Variants in ANKH observed in about 807,000 individuals in gnomAD.
ANKH encodes ANKH inorganic pyrophosphate transport regulator.
In ANKH, 15 loss-of-function variants were observed where a neutral mutation model predicts 49.0. The observed-to-expected ratio is 0.31, with a 90% CI of 0.20 to 0.47. ANKH has a LOEUF of 0.47. Ranked by LOEUF, ANKH falls within the 20% of genes least tolerant of loss-of-function variation. The probability of loss-of-function intolerance (pLI) is 1.00; values close to 1 mark genes in which losing one functional copy is unlikely to be tolerated. For synonymous variants in ANKH, 273 were observed against 260.0 expected (o/e 1.05, Z -0.48); for missense variants, 429 against 652.0 (o/e 0.66, Z 3.72).
At chr5:14,753,180 A>G (rs1738775312) in intron 4 of ANKH, among the ~76,000 whole-genome samples, 2 of 152,130 alleles carry the variant, frequency 1.3e-5, no homozygotes, top group Admixed American at 6.5e-5. Flanking sequence ...GTTGGCTGGA[A>G]GGTGACGAAT....
intron 11 of ANKH, among the ~76,000 whole-genome samples, chr5:14,712,424 C>T (rs919256336): frequency 4.6e-5 from 7 of 152,280 alleles, no homozygotes; most frequent in Non-Finnish European, 1.0e-4. Flanking sequence ...CGCAAGCTCT[C>T]GGACTGCATC....
chr5:14,809,474 C>T (rs1740814386), intron 1 of ANKH, among the ~76,000 whole-genome samples: 2 of 151,794 alleles, frequency 1.3e-5, no homozygotes, highest in Non-Finnish European at 2.9e-5. Flanking sequence ...GGGAGGATGA[C>T]TTGAGCCCAG....
intron 1 of ANKH, among the ~76,000 whole-genome samples, chr5:14,826,888 T>TTCCCCCA (rs1350117198): frequency 1.3e-5 from 2 of 152,204 alleles, no homozygotes; most frequent in African/African-American, 2.4e-5. Context: ...GTTTCCCACG[T>TTCCCCCA]CCCTCTGCAG....
At chr5:14,722,662 AT>A (rs1737705685) in intron 8 of ANKH, among the ~76,000 whole-genome samples, 1 of 152,170 alleles carries the variant, frequency 6.6e-6, no homozygotes. Context: ...GCAAATAAAT[AT>A]CCATGAGTCC....
intron 8 of ANKH, among the ~76,000 whole-genome samples, chr5:14,735,957 C>A (rs1299975976): frequency 2.0e-5 from 3 of 151,362 alleles, no homozygotes; most frequent in Non-Finnish European, 2.9e-5. Context: ...TTTAACCCCC[C>A]ACTGACTACA....
chr5:14,846,402 C>G (rs990324944), intron 1 of ANKH, among the ~76,000 whole-genome samples: 14 of 152,186 alleles, frequency 9.2e-5, no homozygotes, highest in African/African-American at 7.2e-5. Flanking sequence ...ATGACATTTA[C>G]TTGTATCCAC....
chr5:14,809,132 C>A (rs1472056201), intron 1 of ANKH, among the ~76,000 whole-genome samples: 1 of 119,798 alleles, frequency 8.3e-6, no homozygotes, highest in Admixed American at 8.8e-5. Context: ...GGGAATTGAA[C>A]AATGAGATCA....
Position 14,763,812 on chromosome 5 carries a change from G to C in ANKH, c.313+5163C>G, listed in dbSNP as rs775991682. Among the ~76,000 whole-genome samples the C allele has an allele frequency of 4.7e-4, 72 of 152,292 alleles. 1 individual carries two copies. Among genetic ancestry groups the C allele is most frequent in the Middle Eastern group, 3.4e-3 (1 of 294 alleles). On this transcript the variant is annotated intron_variant, in intron 2 of 11. Transcript: ENST00000284268. ...CCCAAAAGAAGTGACTGGGAGGCTG[G>C]GCACGGTGGCTTATGCCTGTAATCC...
At chr5:14,799,367 TG>T (rs1203974672) in intron 1 of ANKH, among the ~76,000 whole-genome samples, 4 of 152,244 alleles carry the variant, frequency 2.6e-5, no homozygotes, top group African/African-American at 9.6e-5. Flanking sequence ...AGATCACTAA[TG>T]AAGGTGGCTA....
At chr5:14,856,264 A>C (rs924218915) in intron 1 of ANKH, among the ~76,000 whole-genome samples, 2 of 152,120 alleles carry the variant, frequency 1.3e-5, no homozygotes, top group East Asian at 3.9e-4. Flanking sequence ...AAGAGAGAAA[A>C]CATAAAAATA....
At chr5:14,757,688 C>A (rs1738947054) in intron 3 of ANKH, among the ~76,000 whole-genome samples, 1 of 151,972 alleles carries the variant, frequency 6.6e-6, no homozygotes, top group Admixed American at 6.6e-5. Flanking sequence ...ATCCTTTGAT[C>A]CTGAGTATAT....
At chr5:14,842,438 T>G (rs560189980) in intron 1 of ANKH, among the ~76,000 whole-genome samples, 242 of 152,216 alleles carry the variant, frequency 1.6e-3, no homozygotes, top group African/African-American at 5.4e-3. Context: ...GGCAATGTCT[T>G]ATGGAGTCCT....
chr5:14,832,415 C>T (rs946443609), intron 1 of ANKH, among the ~76,000 whole-genome samples: 6 of 152,082 alleles, frequency 3.9e-5, no homozygotes, highest in Non-Finnish European at 7.4e-5. Flanking sequence ...GGATTATAAA[C>T]AAGCAGCATC....
intron 9 of ANKH, among the ~76,000 whole-genome samples, chr5:14,715,067 C>T (rs199525910): frequency 4.6e-5 from 7 of 152,226 alleles, no homozygotes; most frequent in Admixed American, 6.5e-5. Flanking sequence ...AAAGTGACGC[C>T]GCAAGGCCTT....
chr5:14,751,195 C>T lies in ANKH; in HGVS notation c.561G>A (p.Arg187=). 1 of 1,614,182 alleles carries T rather than the reference C, an allele frequency of 6.2e-7. No homozygotes were observed. Among genetic ancestry groups the T allele is most frequent in the Non-Finnish European group, 8.5e-7 (1 of 1,180,038 alleles). Residue 187 remains arginine, a synonymous_variant, in exon 5 of 12, where the codon CGG becomes CGA. Transcript: ENST00000284268. ...AILLHSHLEC[R]EPLLIPILSL... is the part of the protein sequence containing the mutation. ...AGAGGATCGGGATGAGCAGGGGCTC[C>T]CGGCATTCCAGGTGACTGTGAAGCA...
At chr5:14,862,833 C>T (rs1735536131) in intron 1 of ANKH, among the ~76,000 whole-genome samples, 1 of 152,174 alleles carries the variant, frequency 6.6e-6, no homozygotes, top group Non-Finnish European at 1.5e-5. Context: ...TCAAAAATCA[C>T]TTCACTGCCA....
chr5:14,824,341 AG>A (rs1272694625), intron 1 of ANKH, among the ~76,000 whole-genome samples: 1 of 152,226 alleles, frequency 6.6e-6, no homozygotes, highest in East Asian at 1.9e-4. Flanking sequence ...AAACTGGACT[AG>A]AAGCATAAAG....
chr5:14,713,196 G>GC lies in ANKH; in HGVS notation c.1266-224dup, dbSNP rs1737305382. On this transcript the variant is annotated intron_variant, in intron 10 of 11. Transcript: ENST00000284268. This position sits in a 1 kb window ranked among gnomAD's most constrained non-coding sequence, Gnocchi z 4.4. ...CCTCCCACAGCACATGGATCCCACAGCCCTTCCCACCCTCCCCAGGACGCT... is the reference window on the plus strand; with the variant it reads ...CCTCCCACAGCACATGGATCCCACAGCCCCTTCCCACCCTCCCCAGGACGCT... 6.6e-6 allele frequency among the ~76,000 whole-genome samples: 1 copy of GC among 152,100 alleles called. No homozygotes were observed.
intron 1 of ANKH, among the ~76,000 whole-genome samples, chr5:14,786,183 A>C (rs1213258704): frequency 6.6e-6 from 1 of 152,106 alleles, no homozygotes; most frequent in Non-Finnish European, 1.5e-5. Flanking sequence ...TGTCACTCCC[A>C]GTATAAAAGA....
Sources: allele counts gnomAD v4.1 joint callset (sites outside exome capture counted in the v4.1 genomes callset), GRCh38; gene constraint gnomAD v4.1.1; non-coding constraint Gnocchi (gnomAD v3.1); transcripts MANE v1.5; gene names NCBI Gene and HGNC (gene_info 2026-07-23, HGNC 2026-07-21).